CYYR1: variants seen among roughly 807,000 people sequenced by gnomAD.
The protein encoded by CYYR1 is cysteine and tyrosine-rich protein 1.
A neutral mutation model predicts 15.2 loss-of-function variants in CYYR1; 14 were observed. The ratio of observed to expected loss-of-function variants is 0.92; its 90% CI spans 0.61 to 1.44. The LOEUF is 1.44. Among genes scored for constraint, CYYR1 ranks in the 40% most tolerant of loss-of-function variants. The pLI, the probability that CYYR1 is intolerant of heterozygous loss-of-function variation, is 0.00. For missense variants in CYYR1, 228 were observed against 209.5 expected (o/e 1.09, Z -0.54); for synonymous variants, 80 against 77.4 (o/e 1.03, Z -0.18).
chr21:26,500,447 A>G (rs550017397), intron 2 of CYYR1, among the ~76,000 whole-genome samples: 2 of 152,252 alleles, frequency 1.3e-5, no homozygotes, highest in East Asian at 3.9e-4. Context: ...GGAGCGGATG[A>G]TGGAAGGCCA....
chr21:26,557,603 C>A (rs2830281), intron 2 of CYYR1, among the ~76,000 whole-genome samples: 31,625 of 152,088 alleles, frequency 0.21, 3,480 homozygotes, highest in African/African-American at 0.24. Context: ...GGGGAGAAAT[C>A]TCAGTGTATT....
chr21:26,492,162 T>C (rs1326995054), intron 2 of CYYR1, among the ~76,000 whole-genome samples: 1 of 152,222 alleles, frequency 6.6e-6, no homozygotes, highest in Non-Finnish European at 1.5e-5. Context: ...AATATCATTG[T>C]CTTTCACTAT....
intron 2 of CYYR1, among the ~76,000 whole-genome samples, chr21:26,530,744 A>T (rs1335994625): frequency 6.6e-6 from 1 of 152,116 alleles, no homozygotes; most frequent in East Asian, 1.9e-4. Flanking sequence ...TATTTTGCTG[A>T]GAATGATGGT....
chr21:26,570,869 C>G (rs1247942279), intron 1 of CYYR1, among the ~76,000 whole-genome samples: 1 of 152,174 alleles, frequency 6.6e-6, no homozygotes, highest in Non-Finnish European at 1.5e-5. Flanking sequence ...CGATATCCTA[C>G]TATATCCCAC....
chr21:26,563,042 C>T (rs962993240), intron 2 of CYYR1, among the ~76,000 whole-genome samples: 2 of 152,060 alleles, frequency 1.3e-5, no homozygotes, highest in Non-Finnish European at 2.9e-5. Flanking sequence ...TTGAATTAAA[C>T]TTGCTGAATA....
At chr21:26,526,866 A>G (rs1191020227) in intron 2 of CYYR1, among the ~76,000 whole-genome samples, 1 of 152,202 alleles carries the variant, frequency 6.6e-6, no homozygotes, top group East Asian at 1.9e-4. Flanking sequence ...TGTCAAAGGA[A>G]ATAAGGAAGG....
intron 2 of CYYR1, chr21:26,552,013 C>T (rs559846182): frequency 6.6e-6 from 1 of 152,424 alleles, no homozygotes; most frequent in African/African-American, 2.4e-5. Context: ...GCAACCACCA[C>T]CTTGATCAGT....
At chr21:26,517,036 AC>A (rs1245322005) in intron 2 of CYYR1, among the ~76,000 whole-genome samples, 1 of 136,390 alleles carries the variant, frequency 7.3e-6, no homozygotes, top group African/African-American at 2.7e-5. Flanking sequence ...AATGGCGTGA[AC>A]CCGGGAGGCG....
At chr21:26,524,010 C>G (rs573683521) in intron 2 of CYYR1, among the ~76,000 whole-genome samples, 1 of 152,160 alleles carries the variant, frequency 6.6e-6, no homozygotes, top group African/African-American at 2.4e-5. Flanking sequence ...TCCTGGCCAC[C>G]AGAGATTACA....
In CYYR1 at chr21:26,467,879, A is replaced by C; in HGVS notation, c.*622T>G. ...CTTCTGAGGCCCAATGAACCCATCT[A>C]CTATTTGATTTTGTTATCCCTTCTG... On this transcript the variant is annotated 3_prime_UTR_variant, in exon 4 of 4. Coordinates refer to ENST00000652641, the MANE Select transcript of CYYR1 (RefSeq NM_001320768.2). 6.4e-6 allele frequency: 1 copy of C among 155,296 alleles called. No homozygotes were observed. The highest frequency in any genetic ancestry group is 2.0e-4 in the South Asian group (1 of 5,070). 9.6% of individuals were successfully genotyped at this position (155,296 alleles called of 1,614,324 possible).
At chr21:26,535,122 G>A (rs1034254873) in intron 2 of CYYR1, among the ~76,000 whole-genome samples, 1 of 152,068 alleles carries the variant, frequency 6.6e-6, no homozygotes, top group Admixed American at 6.6e-5. Flanking sequence ...GGGGAAGGGA[G>A]CAAATGTTGA....
At chr21:26,499,453 G>C (rs2065450753) in intron 2 of CYYR1, among the ~76,000 whole-genome samples, 1 of 152,172 alleles carries the variant, frequency 6.6e-6, no homozygotes, top group Non-Finnish European at 1.5e-5. Context: ...TCAGACTTCT[G>C]GTCCCCAGAA....
At chr21:26,559,477 G>T in intron 2 of CYYR1, among the ~76,000 whole-genome samples, 1 of 151,856 alleles carries the variant, frequency 6.6e-6, no homozygotes, top group East Asian at 1.9e-4. Flanking sequence ...TGTACAGTTC[G>T]GTGTTTTTTA....
chr21:26,484,462 G>A (rs2123416255), intron 2 of CYYR1, among the ~76,000 whole-genome samples: 1 of 152,218 alleles, frequency 6.6e-6, no homozygotes, highest in Non-Finnish European at 1.5e-5. Flanking sequence ...AAGGCAGAAT[G>A]TGAGACATAT....
Position 26,573,073 on chromosome 21 carries a change from A to G in CYYR1, c.-133T>C. ...TGGAGCAGAGACCCGGCCATTGCCT[A>G]GGGAGCCTTCCAAGGGAGCCCGGGC... is the stretch of plus-strand genomic sequence containing the variant. On this transcript the variant is annotated 5_prime_UTR_variant, in exon 1 of 4. Coordinates refer to ENST00000652641, the MANE Select transcript of CYYR1 (RefSeq NM_001320768.2). The G allele has an allele frequency of 6.5e-7, 1 of 1,540,502 alleles. No homozygotes were observed.
intron 2 of CYYR1, among the ~76,000 whole-genome samples, chr21:26,556,483 A>G (rs1352995014): frequency 6.6e-6 from 1 of 152,176 alleles, no homozygotes. Flanking sequence ...ACTGCTAGGA[A>G]GAAATACCTG....
At chr21:26,524,199 T>C (rs1379382936) in intron 2 of CYYR1, among the ~76,000 whole-genome samples, 1 of 152,230 alleles carries the variant, frequency 6.6e-6, no homozygotes, top group Non-Finnish European at 1.5e-5. Flanking sequence ...TGTAGGTATA[T>C]GTATTTAGAT....
intron 2 of CYYR1, among the ~76,000 whole-genome samples, chr21:26,508,860 CTTGA>C (rs1852871081): frequency 6.6e-6 from 1 of 152,154 alleles, no homozygotes; most frequent in African/African-American, 2.4e-5. Context: ...TAGATAGAAG[CTTGA>C]TTATCATCAG....
intron 2 of CYYR1, chr21:26,482,315 T>C (rs772104688): frequency 4.9e-5 from 48 of 983,808 alleles, no homozygotes; most frequent in East Asian, 2.3e-4. Flanking sequence ...CATATACATA[T>C]TGATATCTGC....
Sources: gnomAD v4.1 joint callset for allele counts (sites outside exome capture counted in the v4.1 genomes callset) on GRCh38, gnomAD v4.1.1 for gene constraint, MANE v1.5 for transcripts, NCBI Gene and HGNC (gene_info 2026-07-23, HGNC 2026-07-21) for gene names.